Variants in ABCA10 observed in about 807,000 individuals in gnomAD.
ABCA10 encodes the protein ATP-binding cassette sub-family A member 10.
In ABCA10, 169 loss-of-function variants were observed where a neutral mutation model predicts 187.5. The observed-to-expected ratio is 0.90, with a 90% CI of 0.80 to 1.02. ABCA10 has a LOEUF of 1.02. Ranked by LOEUF, ABCA10 falls within the 50% of genes least tolerant of loss-of-function variation. ABCA10 has a pLI of 0.00. For synonymous variants in ABCA10, 574 were observed against 601.8 expected (o/e 0.95, Z 0.68); for missense variants, 1,727 against 1,812.4 (o/e 0.95, Z 0.86).
At chr17:69,208,635 T>C (rs1010965350) in intron 9 of ABCA10, among the ~76,000 whole-genome samples, 1 of 152,126 alleles carries the variant, frequency 6.6e-6, no homozygotes, top group African/African-American at 2.4e-5. Flanking sequence ...TGATTTATAT[T>C]ATAAAGGATA....
In ABCA10 at chr17:69,237,238, C is replaced by G. The variant is rs374058621; in HGVS notation, c.-593+7291G>C. On this transcript the variant is annotated intron_variant, in intron 1 of 39. Transcript: ENST00000269081. ...GAGAGAAAGAAAACCCTAAACGTAGCCTTAGGGCAGAGCAAAATGTATACT... is the reference window on the plus strand; with the variant it reads ...GAGAGAAAGAAAACCCTAAACGTAGGCTTAGGGCAGAGCAAAATGTATACT... Among the ~76,000 whole-genome samples the G allele has an allele frequency of 1.4e-3, 213 of 152,294 alleles. 2 individuals carry two copies. Among genetic ancestry groups the G allele is most frequent in the African/African-American group, 4.9e-3 (204 of 41,562 alleles).
At chr17:69,198,300 A>G (rs2074520585) in intron 10 of ABCA10, among the ~76,000 whole-genome samples, 1 of 152,192 alleles carries the variant, frequency 6.6e-6, no homozygotes, top group African/African-American at 2.4e-5. Flanking sequence ...TCTATCAGCA[A>G]CAGTCTCTTT....
chr17:69,211,083 A>G (rs997559258), intron 9 of ABCA10, among the ~76,000 whole-genome samples: 16 of 150,684 alleles, frequency 1.1e-4, no homozygotes, highest in African/African-American at 3.9e-4. Flanking sequence ...TTCCTTAAAG[A>G]GCTAAAAGTG....
chr17:69,170,227 G>T (rs1238640541), intron 25 of ABCA10, among the ~76,000 whole-genome samples: 1 of 151,108 alleles, frequency 6.6e-6, no homozygotes, highest in African/African-American at 2.4e-5. Flanking sequence ...GGTGAAGGTT[G>T]CAGTGAGCCA....
rs2144755794 is a variant in ABCA10 at position 69,155,686 on chromosome 17, T to C, written c.3576+119A>G. The C allele has an allele frequency of 2.3e-6, 3 of 1,283,640 alleles. No homozygotes were observed. In the East Asian group the frequency reaches 7.4e-5, roughly 32 times the overall value. The allele number at this position is 1,283,640 out of a possible 1,614,324, so 79.5% of individuals were successfully genotyped here. On this transcript the variant is annotated intron_variant, in intron 29 of 38. Coordinates refer to ENST00000690296, the MANE Select transcript of ABCA10 (RefSeq NM_001377321.1). ...TAAAGAGAATAATTTGAATATAAGC[T>C]ATAAATAGAAATATTAAAGAAACTA...
intron 26 of ABCA10, among the ~76,000 whole-genome samples, chr17:69,164,554 G>C (rs191194087): frequency 5.3e-4 from 81 of 152,218 alleles, no homozygotes; most frequent in Admixed American, 1.0e-3. Context: ...GCAATTTATT[G>C]ACACTAAGTA....
At chr17:69,197,227 C>A in intron 10 of ABCA10, 105 bp from the exon 11 acceptor site, 1 of 871,134 alleles carries the variant, frequency 1.1e-6, no homozygotes, top group Non-Finnish European at 1.8e-6. Flanking sequence ...GGGTATCACT[C>A]TCAGTGGGAT....
rs565490788 is a variant in ABCA10, at chr17:69,170,183, G to A, written c.3162+4098C>T. ...CACACCTGTAGTCCCAGCTACTCAG[G>A]AAGCTGAGGCAGGAGAATCACTTGA... is the stretch of plus-strand genomic sequence containing the variant. On this transcript the variant is annotated intron_variant, in intron 25 of 38. Coordinates refer to ENST00000690296, the MANE Select transcript of ABCA10 (RefSeq NM_001377321.1). Among the ~76,000 whole-genome samples, 6 of 151,594 alleles carry A rather than the reference G, an allele frequency of 4.0e-5. No homozygotes were observed. In the East Asian group the frequency reaches 1.2e-3, roughly 29 times the overall value.
At position 69,148,124 on chromosome 17, in the gene ABCA10, G is replaced by C. The variant is rs1044774511; in HGVS notation, c.*703C>G. 1 of 152,024 alleles carries C rather than the reference G, an allele frequency of 6.6e-6. No homozygotes were observed. Among genetic ancestry groups the C allele is most frequent in the African/African-American group, 2.4e-5 (1 of 41,382 alleles). The allele number at this position is 152,024 out of a possible 1,614,324, so 9.4% of individuals were successfully genotyped here. A position where few individuals can be genotyped will look rare whatever the true frequency, so the allele number is the denominator to read the frequency against. ...AATGCAGCAATTATATAACACAAAA[G>C]TGCTATAATGACATGGGAAATGTTC... On this transcript the variant is annotated 3_prime_UTR_variant, in exon 39 of 39. Coordinates refer to ENST00000690296, the MANE Select transcript of ABCA10 (RefSeq NM_001377321.1).
chr17:69,148,803 T>C lies in ABCA10; in HGVS notation c.*24A>G, dbSNP rs1157190094. 23 of 1,580,378 alleles carry C rather than the reference T, an allele frequency of 1.5e-5. No individual in the cohort carries two copies. The highest frequency in any genetic ancestry group is 1.9e-5 in the Non-Finnish European group (22 of 1,153,088). On this transcript the variant is annotated 3_prime_UTR_variant, in exon 39 of 39. Transcript: ENST00000690296. Reference sequence around the variant, plus strand: ...ACTAACAATGTAGTAGGACCTAAAATTGAATGTTAGGAGGTTCTTCATTTT... The same window carrying C: ...ACTAACAATGTAGTAGGACCTAAAACTGAATGTTAGGAGGTTCTTCATTTT...
chr17:69,151,372 C>A (rs980997431), intron 36 of ABCA10, among the ~76,000 whole-genome samples: 1 of 152,060 alleles, frequency 6.6e-6, no homozygotes, highest in Non-Finnish European at 1.5e-5. Flanking sequence ...AAAGGAAGAA[C>A]CTTGTCTATT....
chr17:69,229,298 C>T (rs1243627647), upstream of ABCA10, among the ~76,000 whole-genome samples: 1 of 151,984 alleles, frequency 6.6e-6, no homozygotes, highest in African/African-American at 2.4e-5. Context: ...GTGAAGCCAA[C>T]AGATGAGTCC....
At chr17:69,154,387 T>C in intron 30 of ABCA10, 61 bp from the exon 31 acceptor site, 1 of 1,271,490 alleles carries the variant, frequency 7.9e-7, no homozygotes, top group South Asian at 1.4e-5. Flanking sequence ...TAAAATTGCT[T>C]GGTTGGTTGC....
intron 11 of ABCA10, among the ~76,000 whole-genome samples, chr17:69,196,769 G>A (rs938660980): frequency 8.5e-5 from 13 of 152,194 alleles, no homozygotes; most frequent in Non-Finnish European, 1.6e-4. Flanking sequence ...CCAGCACCTC[G>A]CGAGGCTGAG....
chr17:69,159,853 T>C (rs2074201219), intron 27 of ABCA10, among the ~76,000 whole-genome samples: 1 of 152,104 alleles, frequency 6.6e-6, no homozygotes, highest in Admixed American at 6.6e-5. Flanking sequence ...CTCCCATATA[T>C]GCTCAAATAA....
intron 9 of ABCA10, among the ~76,000 whole-genome samples, chr17:69,210,081 TTTA>T (rs140000472): frequency 0.018 from 2,612 of 146,852 alleles, 68 homozygotes; most frequent in African/African-American, 0.061. Context: ...ATGCTATTAC[TTTA>T]TTATTATTAT....
At chr17:69,158,352 GA>G (rs1036478221) in intron 27 of ABCA10, among the ~76,000 whole-genome samples, 31 of 149,624 alleles carry the variant, frequency 2.1e-4, no homozygotes, top group African/African-American at 7.1e-4. Flanking sequence ...ATAAGAATCT[GA>G]AAAAAAAATT....
At chr17:69,210,205 C>T (rs571524641) in intron 9 of ABCA10, among the ~76,000 whole-genome samples, 130 of 81,120 alleles carry the variant, frequency 1.6e-3, no homozygotes, top group African/African-American at 8.9e-3. Context: ...TTTTTTGAGA[C>T]GGAGTCTCGC....
chr17:69,160,004 A>G lies in ABCA10; in HGVS notation c.3364-3081T>C, dbSNP rs191803438. Among the ~76,000 whole-genome samples the G allele has an allele frequency of 2.3e-3, 354 of 152,282 alleles. 3 individuals are homozygous for G. The highest frequency in any genetic ancestry group is 8.2e-3 in the African/African-American group (342 of 41,546). On this transcript the variant is annotated intron_variant, in intron 27 of 38. Coordinates refer to ENST00000690296, the MANE Select transcript of ABCA10 (RefSeq NM_001377321.1). ...CACAAAATTAACTCAAAATGGATCA[A>G]AGACCTAAATGGAAGACCTAAAACT...
Sources: allele counts gnomAD v4.1 joint callset (sites outside exome capture counted in the v4.1 genomes callset), GRCh38; gene constraint gnomAD v4.1.1; transcripts MANE v1.5; gene names NCBI Gene and HGNC (gene_info 2026-07-23, HGNC 2026-07-21).